The following CLASP2 variants were observed in gnomAD, a reference collection of about 807,000 sequenced individuals.
The protein encoded by CLASP2 is cytoplasmic linker associated protein 2.
A neutral mutation model predicts 194.4 loss-of-function variants in CLASP2; 47 were observed. That is an observed-to-expected ratio of 0.24 (90% CI 0.19 to 0.31). The LOEUF is 0.31. CLASP2 is among the 10% of genes least tolerant of loss of function. The pLI is 1.00. For missense variants in CLASP2, 1,445 were observed against 1,823.6 expected (o/e 0.79, Z 3.78); for synonymous variants, 619 against 633.5 (o/e 0.98, Z 0.34).
At chr3:33,543,359 C>T (rs1199646278) in intron 32 of CLASP2, 74 bp downstream of exon 32, 3 of 1,036,318 alleles carry the variant, frequency 2.9e-6, no homozygotes, top group Non-Finnish European at 4.5e-6. Flanking sequence ...GGCGACAGAG[C>T]AAGACTCTGT....
chr3:33,595,580 C>A (rs140733970), intron 19 of CLASP2, among the ~76,000 whole-genome samples: 2 of 152,096 alleles, frequency 1.3e-5, no homozygotes, highest in East Asian at 3.9e-4. Context: ...TAACTCACTA[C>A]TACTAAAGCG....
At chr3:33,578,015 T>G (rs926680164) in intron 23 of CLASP2, among the ~76,000 whole-genome samples, 1 of 152,194 alleles carries the variant, frequency 6.6e-6, no homozygotes, top group African/African-American at 2.4e-5. Flanking sequence ...CTGAACAAAC[T>G]AAGATGAGGA....
In CLASP2 at chr3:33,559,446, CAA is replaced by C. The variant is rs1205036197; in HGVS notation, c.2931-63_2931-62del. On this transcript the variant is annotated intron_variant, in intron 28 of 38. Coordinates refer to ENST00000682230, the MANE Select transcript of CLASP2 (RefSeq NM_001365631.1). The stretch of plus-strand genomic sequence containing the variant: ...TAGTTAGCAAGTACGCATGTAACAG[CAA>C]AAGACTATGCTTAATACCAAAACAT... The C allele has an allele frequency of 2.9e-5, 26 of 904,312 alleles. No individual in the cohort carries two copies. The South Asian group carries it at 3.4e-4, about 12-fold the overall frequency. 56.0% of individuals were successfully genotyped at this position (904,312 alleles called of 1,614,324 possible).
intron 6 of CLASP2, among the ~76,000 whole-genome samples, chr3:33,673,034 G>C (rs146140330): frequency 0.18 from 27,973 of 151,982 alleles, 2,900 homozygotes; most frequent in Admixed American, 0.31. Context: ...TATTATCCAG[G>C]AGAACTTCCC....
intron 7 of CLASP2, among the ~76,000 whole-genome samples, chr3:33,655,750 T>C: frequency 6.6e-6 from 1 of 152,278 alleles, no homozygotes; most frequent in East Asian, 1.9e-4. Flanking sequence ...TTTATATATA[T>C]ATACACACAT....
chr3:33,667,905 T>A (rs968959100), intron 6 of CLASP2, among the ~76,000 whole-genome samples: 5 of 152,136 alleles, frequency 3.3e-5, no homozygotes, highest in Admixed American at 2.0e-4. Flanking sequence ...TAGAAAAAAA[T>A]TGTTTAATTA....
intron 10 of CLASP2, 39 bp from the exon 11 acceptor site, chr3:33,622,319 A>G: frequency 7.1e-7 from 1 of 1,407,586 alleles, no homozygotes; most frequent in Non-Finnish European, 9.3e-7. Flanking sequence ...AAAAAGGTGG[A>G]AGTGCAAAAA....
intron 28 of CLASP2, among the ~76,000 whole-genome samples, chr3:33,559,659 C>A (rs150813507): frequency 0.016 from 2,501 of 152,262 alleles, 32 homozygotes; most frequent in Non-Finnish European, 0.028. Context: ...CTTTGGGAGG[C>A]TGAGGCGGGC....
At chr3:33,653,664 C>G (rs2083612390) in intron 7 of CLASP2, among the ~76,000 whole-genome samples, 1 of 152,012 alleles carries the variant, frequency 6.6e-6, no homozygotes, top group African/African-American at 2.4e-5. Flanking sequence ...ATGATGAGTA[C>G]CATGTGCACA....
Position 33,501,721 on chromosome 3 carries a change from G to A in CLASP2, c.4365C>T (p.Cys1455=), listed in dbSNP as rs767387258. The change falls in exon 38 of 39, where the codon TGC becomes TGT. Residue 1455 remains cysteine (C), a synonymous_variant. Coordinates refer to ENST00000682230, the MANE Select transcript of CLASP2 (RefSeq NM_001365631.1). ...ESSVRKACVF[C]LVAVHAVIGD... ...CAATTACCGCATGAACAGCCACCAG[G>A]CAGAAGACACAAGCTTTCCGAACAC... is the stretch of plus-strand genomic sequence containing the variant. 5 of 1,613,776 alleles carry A rather than the reference G, an allele frequency of 3.1e-6. No homozygotes were observed. Among genetic ancestry groups the A allele is most frequent in the Non-Finnish European group, 4.2e-6 (5 of 1,179,786 alleles).
intron 21 of CLASP2, among the ~76,000 whole-genome samples, chr3:33,588,250 A>G (rs982890202): frequency 6.6e-6 from 1 of 152,106 alleles, no homozygotes; most frequent in African/African-American, 2.4e-5. Context: ...AAAAATACCA[A>G]GGCTCCTTCC....
At chr3:33,527,931 C>T (rs1018343118) in intron 34 of CLASP2, among the ~76,000 whole-genome samples, 2 of 152,108 alleles carry the variant, frequency 1.3e-5, no homozygotes, top group Non-Finnish European at 2.9e-5. Context: ...CTGCTGCCCC[C>T]CAGCCTGGGT....
chr3:33,647,145 T>C (rs1326157993), intron 7 of CLASP2, among the ~76,000 whole-genome samples: 1 of 152,114 alleles, frequency 6.6e-6, no homozygotes, highest in East Asian at 1.9e-4. Context: ...GCAAACAAAG[T>C]CAAAGGTTTC....
intron 37 of CLASP2, among the ~76,000 whole-genome samples, chr3:33,506,537 T>TAC (rs2048276910): frequency 6.6e-6 from 1 of 152,008 alleles, no homozygotes; most frequent in Non-Finnish European, 1.5e-5. Context: ...GATCCTAGAG[T>TAC]TCCAAAAAAG....
At position 33,576,214 on chromosome 3, in the gene CLASP2, G is replaced by T. The variant is rs2064856090; in HGVS notation, c.2409C>A (p.Val803=). 1 of 1,613,764 alleles carries T rather than the reference G, an allele frequency of 6.2e-7. No individual in the cohort carries two copies. Among genetic ancestry groups the T allele is most frequent in the Non-Finnish European group, 8.5e-7 (1 of 1,179,814 alleles). ...CCTCCACATCAGAACCTGTGTTCAG[G>T]ACTCGCATGGCACTAACAGAAGACG... The part of the protein sequence containing the change: ...RLSSSVSAMR[V]LNTGSDVEEA... Residue 803 remains valine, a synonymous_variant, in exon 24 of 39, where the codon GTC becomes GTA. Coordinates refer to ENST00000682230, the MANE Select transcript of CLASP2 (RefSeq NM_001365631.1).
rs542681241 is a variant in CLASP2 at position 33,505,268 on chromosome 3, A to C, written c.4318-3500T>G. The C allele has an allele frequency of 2.4e-5, 3 of 125,698 alleles. No individual in the cohort carries two copies. The South Asian group carries it at 7.9e-4, about 33-fold the overall frequency. 7.8% of individuals were successfully genotyped at this position (125,698 alleles called of 1,614,324 possible). ...AACAACAACAACAACAACAACAACA[A>C]AACATAACCACAATTTTTTGAGAAC... On this transcript the variant is annotated intron_variant, in intron 37 of 38. Transcript: ENST00000682230.
At chr3:33,623,261 G>A (rs562587828) in intron 10 of CLASP2, among the ~76,000 whole-genome samples, 4 of 152,062 alleles carry the variant, frequency 2.6e-5, no homozygotes, top group African/African-American at 4.8e-5. Flanking sequence ...AGTTCTTTCC[G>A]TTAGGAACAT....
chr3:33,608,675 A>AACAT, intron 13 of CLASP2, 49 bp from the exon 14 acceptor site: 1 of 1,289,050 alleles, frequency 7.8e-7, no homozygotes, highest in Non-Finnish European at 1.1e-6. Context: ...TGAGAAATAC[A>AACAT]TTAACACTTT....
chr3:33,565,691 A>G (rs1244642103), intron 27 of CLASP2, among the ~76,000 whole-genome samples: 2 of 152,054 alleles, frequency 1.3e-5, no homozygotes, highest in African/African-American at 4.8e-5. Context: ...ACATGCCTGT[A>G]ATCCCAGCTA....
Sources: gnomAD v4.1 joint callset for allele counts (sites outside exome capture counted in the v4.1 genomes callset) on GRCh38, gnomAD v4.1.1 for gene constraint, MANE v1.5 for transcripts, NCBI Gene and HGNC (gene_info 2026-07-23, HGNC 2026-07-21) for gene names.